Variants in ZFYVE28 observed in about 807,000 individuals in gnomAD.
ZFYVE28 encodes zinc finger FYVE-type containing 28.
In ZFYVE28, 40 loss-of-function variants were observed where a neutral mutation model predicts 82.1. That is an observed-to-expected ratio of 0.49 (90% CI 0.38 to 0.63). The LOEUF is 0.63. ZFYVE28 is among the 30% of genes least tolerant of loss of function. The probability of loss-of-function intolerance (pLI) is 0.00; values close to 1 mark genes in which losing one functional copy is unlikely to be tolerated. For synonymous variants in ZFYVE28, 612 were observed against 546.1 expected (o/e 1.12, Z -1.68); for missense variants, 1,321 against 1,242.1 (o/e 1.06, Z -0.96).
intron 1 of ZFYVE28, among the ~76,000 whole-genome samples, chr4:2,391,738 CTCTTTTTT>C (rs1729857254): frequency 1.4e-5 from 2 of 139,828 alleles, no homozygotes; most frequent in Admixed American, 1.5e-4. Flanking sequence ...AATTCTCTCT[CTCTTTTTT>C]TTTTTTTGTG....
At chr4:2,336,268 T>C (rs1721675624) in intron 5 of ZFYVE28, among the ~76,000 whole-genome samples, 2 of 152,236 alleles carry the variant, frequency 1.3e-5, no homozygotes, top group South Asian at 4.1e-4. Flanking sequence ...GGGCTTTTCC[T>C]GCACCTCGTG....
chr4:2,365,303 C>A (rs1446365527), intron 1 of ZFYVE28, among the ~76,000 whole-genome samples: 1 of 152,020 alleles, frequency 6.6e-6, no homozygotes, highest in East Asian at 1.9e-4. Flanking sequence ...AGGGGCCGCG[C>A]GGCGCCTGTC....
chr4:2,303,378 C>T (rs1715914799), intron 8 of ZFYVE28, among the ~76,000 whole-genome samples: 1 of 152,152 alleles, frequency 6.6e-6, no homozygotes, highest in African/African-American at 2.4e-5. Flanking sequence ...GCATCTGTGC[C>T]CCCCACCTTC....
At chr4:2,385,549 G>A (rs754889044) in intron 1 of ZFYVE28, among the ~76,000 whole-genome samples, 3 of 152,174 alleles carry the variant, frequency 2.0e-5, no homozygotes, top group African/African-American at 4.8e-5. Context: ...TTTCTGCAGC[G>A]GGTCAGACCT....
At chr4:2,374,944 C>T (rs1020001585) in intron 1 of ZFYVE28, among the ~76,000 whole-genome samples, 4 of 152,164 alleles carry the variant, frequency 2.6e-5, no homozygotes, top group Admixed American at 2.6e-4. Flanking sequence ...ACCTGGTGCC[C>T]GTGGATAAGG....
intron 1 of ZFYVE28, among the ~76,000 whole-genome samples, chr4:2,401,112 G>C (rs1432205205): frequency 1.3e-5 from 2 of 152,166 alleles, no homozygotes; most frequent in Non-Finnish European, 2.9e-5. Flanking sequence ...AGGAAGGCTG[G>C]GCAGGTGGGC....
chr4:2,274,331 G>A (rs1736203265), intron 8 of ZFYVE28, 115 bp from the exon 9 acceptor site: 34 of 1,321,762 alleles, frequency 2.6e-5, no homozygotes, highest in Non-Finnish European at 3.3e-5. Context: ...CACCCCACAG[G>A]CGTGTATCTG....
chr4:2,377,015 A>G (rs907498560), intron 1 of ZFYVE28, among the ~76,000 whole-genome samples: 2 of 152,050 alleles, frequency 1.3e-5, no homozygotes, highest in African/African-American at 4.8e-5. Flanking sequence ...GCACTGGTCT[A>G]AGACTTTACT....
chr4:2,312,226 T>C (rs1179396355), intron 7 of ZFYVE28, among the ~76,000 whole-genome samples: 3 of 152,124 alleles, frequency 2.0e-5, no homozygotes, highest in Non-Finnish European at 4.4e-5. Context: ...ATATATCATA[T>C]CTCTATTATC....
chr4:2,299,085 A>T (rs1020619158), intron 8 of ZFYVE28, among the ~76,000 whole-genome samples: 1 of 152,248 alleles, frequency 6.6e-6, no homozygotes, highest in Admixed American at 6.5e-5. Flanking sequence ...ATCAAAAGAC[A>T]TTCAAAAACA....
chr4:2,315,196 A>G (rs1578047484), intron 7 of ZFYVE28, among the ~76,000 whole-genome samples: 1 of 152,336 alleles, frequency 6.6e-6, no homozygotes, highest in East Asian at 1.9e-4. Context: ...GGAATAATTC[A>G]TGAAGGCAAA....
At chr4:2,356,631 C>T (rs190608097) in intron 1 of ZFYVE28, among the ~76,000 whole-genome samples, 2 of 152,312 alleles carry the variant, frequency 1.3e-5, no homozygotes, top group African/African-American at 2.4e-5. Context: ...GCCACAAGGT[C>T]GCAGTCGCCC....
chr4:2,405,609 G>A (rs1731799553), intron 1 of ZFYVE28, among the ~76,000 whole-genome samples: 1 of 152,214 alleles, frequency 6.6e-6, no homozygotes, highest in South Asian at 2.1e-4. Context: ...AGAGGGAAGG[G>A]GCCGGGGCAC....
chr4:2,384,402 C>T (rs1247361773), intron 1 of ZFYVE28, among the ~76,000 whole-genome samples: 1 of 152,234 alleles, frequency 6.6e-6, no homozygotes, highest in Non-Finnish European at 1.5e-5. Flanking sequence ...CTCAGGGCTG[C>T]CCAGGGTCAC....
chr4:2,316,699 C>CTT (rs5855729), intron 7 of ZFYVE28, among the ~76,000 whole-genome samples: 30,663 of 148,624 alleles, frequency 0.21, 3,350 homozygotes, highest in African/African-American at 0.26. Flanking sequence ...TCTTGTCTCT[C>CTT]TTTTTTTTTT....
intron 8 of ZFYVE28, among the ~76,000 whole-genome samples, chr4:2,275,854 T>TGA (rs1358032627): frequency 1.2e-4 from 19 of 152,158 alleles, no homozygotes; most frequent in Non-Finnish European, 2.9e-5. Context: ...TTAGACGCGG[T>TGA]GCTGGGGATT....
intron 1 of ZFYVE28, among the ~76,000 whole-genome samples, chr4:2,377,194 T>C (rs1728245398): frequency 6.8e-6 from 1 of 148,132 alleles, no homozygotes; most frequent in African/African-American, 2.6e-5. Context: ...GCTAATTTTT[T>C]GTATTTTTAG....
intron 1 of ZFYVE28, among the ~76,000 whole-genome samples, chr4:2,414,472 T>C (rs1732831842): frequency 6.6e-6 from 1 of 152,152 alleles, no homozygotes. Context: ...TAAGGAATGT[T>C]CTCCTACAAA....
At chr4:2,330,325 G>A (rs985554464) in intron 6 of ZFYVE28, 87 of 989,704 alleles carry the variant, frequency 8.8e-5, no homozygotes, top group Non-Finnish European at 9.4e-5. Context: ...ACCTGCTGGT[G>A]GGAGAGGGCT....
Sources: gnomAD v4.1 joint callset for allele counts (sites outside exome capture counted in the v4.1 genomes callset) on GRCh38, gnomAD v4.1.1 for gene constraint, MANE v1.5 for transcripts, NCBI Gene and HGNC (gene_info 2026-07-23, HGNC 2026-07-21) for gene names.